PCF11: variants seen among roughly 807,000 people sequenced by gnomAD.
PCF11 encodes the protein PCF11 cleavage and polyadenylation factor subunit, also known as pre-mRNA cleavage complex 2 protein Pcf11.
In PCF11, 19 loss-of-function variants were observed where a neutral mutation model predicts 166.1. The ratio of observed to expected loss-of-function variants is 0.11; its 90% CI spans 0.08 to 0.17. The LOEUF (loss-of-function observed/expected upper bound fraction) is 0.17. Among genes scored for constraint, PCF11 ranks in the 10% least tolerant of loss-of-function variants. The pLI, the probability that PCF11 is intolerant of heterozygous loss-of-function variation, is 1.00. For synonymous variants in PCF11, 663 were observed against 644.1 expected (o/e 1.03, Z -0.44); for missense variants, 1,565 against 1,855.5 (o/e 0.84, Z 2.88).
chr11:83,157,301 C>T (rs1023793368), exon 1 of PCF11: 4 of 717,290 alleles, frequency 5.6e-6, no homozygotes, highest in Middle Eastern at 3.9e-4. Flanking sequence ...CGTCCCCCAT[C>T]CCCCCTCCGC....
At chr11:83,177,649 G>T in intron 10 of PCF11, 65 bp from the exon 11 acceptor site, 1 of 757,102 alleles carries the variant, frequency 1.3e-6, no homozygotes. Context: ...ATACTATAGT[G>T]TTCCTCTGTA....
exon 8 of PCF11, chr11:83,168,648 A>G (rs762722491): frequency 1.6e-5 from 26 of 1,613,872 alleles, no homozygotes; most frequent in Middle Eastern, 3.3e-4. Flanking sequence ...TGATTTTTGA[A>G]GGACCCAATA....
In PCF11 at chr11:83,168,667, C is replaced by T. The variant is rs767412569; in HGVS notation, c.2332C>T (p.Pro778Ser). The change falls in exon 8 of 16, where the codon CCT becomes TCT. Residue 778 changes from proline (P) to serine (S), a missense_variant. By Grantham distance (74) the Pro-to-Ser change is moderately conservative. Around this residue, in one of 12 missense-constraint regions of PCF11, gnomAD observed 725 missense variants for 749.3 expected, o/e 0.97. Coordinates refer to ENST00000298281, the Ensembl canonical transcript of PCF11. Reference sequence around the variant, plus strand: ...TTTTGAAGGACCCAATAAATTAAGCCCTCGAATTGATGGACCTCCCACACC... The same window carrying T: ...TTTTGAAGGACCCAATAAATTAAGCTCTCGAATTGATGGACCTCCCACACC... 19 of 1,613,894 alleles carry T rather than the reference C, an allele frequency of 1.2e-5. No homozygotes were observed. The highest frequency in any genetic ancestry group is 1.6e-4 in the Middle Eastern group (1 of 6,062).
intron 8 of PCF11, 34 bp downstream of exon 8, chr11:83,170,029 A>G (rs1860631203): frequency 1.3e-6 from 2 of 1,500,658 alleles, no homozygotes; most frequent in Non-Finnish European, 8.9e-7. Flanking sequence ...CGTTGTATGC[A>G]GATAAGTTAA....
chr11:83,165,816 C>T (rs369620312), exon 5 of PCF11: 1 of 1,610,478 alleles, frequency 6.2e-7, no homozygotes, highest in Non-Finnish European at 8.5e-7. Flanking sequence ...CCAACATTCT[C>T]ATGGAAAAGA....
At chr11:83,165,793 T>A (rs1282618759) in exon 5 of PCF11, 1 of 1,612,470 alleles carries the variant, frequency 6.2e-7, no homozygotes, top group South Asian at 1.1e-5. Flanking sequence ...GATCCTCGTC[T>A]GAACAGGATA....
chr11:83,177,089 C>G (rs2135440149), exon 10 of PCF11: 3 of 1,482,488 alleles, frequency 2.0e-6, no homozygotes, highest in Middle Eastern at 3.5e-4. Context: ...TGTTAGGAGC[C>G]CTCCCTAAGG....
chr11:83,177,327 T>G (rs960218615), intron 10 of PCF11, 123 bp downstream of exon 10: 2 of 746,204 alleles, frequency 2.7e-6, no homozygotes, highest in African/African-American at 3.7e-5. Flanking sequence ...TAGGTATAGC[T>G]TTTATTTTTG....
exon 8 of PCF11, chr11:83,169,372 G>A: frequency 1.2e-6 from 2 of 1,613,818 alleles, no homozygotes; most frequent in Non-Finnish European, 1.7e-6. Context: ...GGGTCCTTCT[G>A]TACCAGGAGG....
At chr11:83,175,667 C>G (rs934946256) in intron 9 of PCF11, among the ~76,000 whole-genome samples, 28 of 152,082 alleles carry the variant, frequency 1.8e-4, no homozygotes, top group Non-Finnish European at 8.8e-5. Context: ...GGCAGGAGAA[C>G]GGTGTGAACC....
exon 11 of PCF11, chr11:83,177,804 T>C: frequency 6.7e-7 from 1 of 1,489,170 alleles, no homozygotes. Flanking sequence ...AATTTTACAG[T>C]TGAAGAATTG....
chr11:83,179,136 C>T (rs1170628820), intron 11 of PCF11, among the ~76,000 whole-genome samples: 1 of 151,572 alleles, frequency 6.6e-6, no homozygotes, highest in Non-Finnish European at 1.5e-5. Flanking sequence ...AATACTTTCA[C>T]ATAAAGGCTT....
exon 16 of PCF11, chr11:83,185,273 G>A (rs1418756390): frequency 1.3e-5 from 2 of 156,700 alleles, no homozygotes; most frequent in African/African-American, 4.8e-5. Flanking sequence ...AAATGGAATT[G>A]AACAGCAACC....
At chr11:83,171,891 C>G in exon 9 of PCF11, 1 of 1,584,942 alleles carries the variant, frequency 6.3e-7, no homozygotes, top group African/African-American at 1.3e-5. Flanking sequence ...CCACAAAATC[C>G]TGGATTTGTT....
intron 2 of PCF11, among the ~76,000 whole-genome samples, chr11:83,163,259 C>A (rs1860325125): frequency 6.6e-6 from 1 of 152,148 alleles, no homozygotes; most frequent in African/African-American, 2.4e-5. Context: ...GATAGTTTTG[C>A]TTTAATTTTA....
intron 4 of PCF11, among the ~76,000 whole-genome samples, chr11:83,165,045 A>G (rs1860396902): frequency 6.6e-6 from 1 of 152,238 alleles, no homozygotes; most frequent in South Asian, 2.1e-4. Flanking sequence ...TTAATGTTTT[A>G]TGAGCTTATG....
At chr11:83,174,779 T>C (rs931729111) in intron 9 of PCF11, among the ~76,000 whole-genome samples, 3 of 152,210 alleles carry the variant, frequency 2.0e-5, no homozygotes. Flanking sequence ...TTTATGCTGT[T>C]GGTTACTAGA....
intron 1 of PCF11, among the ~76,000 whole-genome samples, 197 bp from the exon 2 acceptor site, chr11:83,161,130 T>C (rs1287137916): frequency 6.6e-6 from 1 of 152,230 alleles, no homozygotes; most frequent in East Asian, 1.9e-4. Context: ...TCCTGGTAAT[T>C]CTGAGCTTTT....
Position 83,182,510 on chromosome 11 carries a change from T to A in PCF11, c.4416+19T>A. 1 of 1,178,340 alleles carries A rather than the reference T, an allele frequency of 8.5e-7. No individual in the cohort carries two copies. The highest frequency in any genetic ancestry group is 1.3e-6 in the Non-Finnish European group (1 of 787,832). 73.0% of individuals were successfully genotyped at this position (1,178,340 alleles called of 1,614,324 possible). ...TGGAAAGGTAATTTTCATTTCTTTATAAGGAAGTGTTAAGATTAGTGTTTT... is the reference window on the plus strand; with the variant it reads ...TGGAAAGGTAATTTTCATTTCTTTAAAAGGAAGTGTTAAGATTAGTGTTTT... On this transcript the variant is annotated intron_variant, in intron 14 of 15. Coordinates refer to ENST00000298281, the Ensembl canonical transcript of PCF11.
Sources: allele counts gnomAD v4.1 joint callset (sites outside exome capture counted in the v4.1 genomes callset), GRCh38; gene constraint gnomAD v4.1.1; regional missense constraint gnomAD v4.1.1; transcripts MANE v1.5; gene names NCBI Gene and HGNC (gene_info 2026-07-23, HGNC 2026-07-21).